NALF1: variants seen among roughly 807,000 people sequenced by gnomAD.
NALF1 encodes the protein family with sequence similarity 155 member A.
A neutral mutation model predicts 48.4 loss-of-function variants in NALF1; 3 were observed. The ratio of observed to expected loss-of-function variants is 0.06; its 90% CI spans 0.03 to 0.16. The LOEUF is 0.16. Among genes scored for constraint, NALF1 ranks in the 10% least tolerant of loss-of-function variants. The probability of loss-of-function intolerance (pLI) is 1.00; values close to 1 mark genes in which losing one functional copy is unlikely to be tolerated. For synonymous variants in NALF1, 262 were observed against 245.7 expected (o/e 1.07, Z -0.62); for missense variants, 526 against 571.5 (o/e 0.92, Z 0.81).
At chr13:107,782,556 C>T (rs1877925387) in intron 1 of NALF1, among the ~76,000 whole-genome samples, 1 of 151,740 alleles carries the variant, frequency 6.6e-6, no homozygotes, top group South Asian at 2.1e-4. Context: ...GCTGCCCAGT[C>T]TGGAAAGTGA....
intron 1 of NALF1, among the ~76,000 whole-genome samples, chr13:107,452,698 C>G (rs1211081010): frequency 1.3e-5 from 2 of 152,204 alleles, no homozygotes; most frequent in East Asian, 3.9e-4. Flanking sequence ...GCCTTCCCAA[C>G]TGTCCCCCAA....
chr13:107,346,888 C>T (rs1882782669), intron 1 of NALF1, among the ~76,000 whole-genome samples: 1 of 152,150 alleles, frequency 6.6e-6, no homozygotes, highest in African/African-American at 2.4e-5. Context: ...TAATCTAAGA[C>T]AACTGCATAT....
rs768403015 is a variant in NALF1 at position 107,227,288 on chromosome 13, C to T, written c.916-16533G>A. 3.3e-5 allele frequency among the ~76,000 whole-genome samples: 5 copies of T among 152,184 alleles called. No individual in the cohort carries two copies. In the South Asian group the frequency reaches 8.3e-4, roughly 25 times the overall value. On this transcript the variant is annotated intron_variant, in intron 1 of 2. Transcript: ENST00000375915. The stretch of plus-strand genomic sequence containing the variant: ...TGAGATTCTTCCTTAGAATAACCCT[C>T]GATACTTCCAGAGAGCCCTCTGTGT...
At chr13:107,820,521 C>A (rs978169611) in intron 1 of NALF1, among the ~76,000 whole-genome samples, 1 of 152,196 alleles carries the variant, frequency 6.6e-6, no homozygotes, top group African/African-American at 2.4e-5. Context: ...TGTCAAGGTA[C>A]TGACATGCAA....
intron 1 of NALF1, among the ~76,000 whole-genome samples, chr13:107,722,918 T>C (rs143461933): frequency 0.02 from 3,093 of 152,314 alleles, 142 homozygotes; most frequent in Admixed American, 0.11. Flanking sequence ...CTGAGCACAA[T>C]GCTGGTGCAG....
At chr13:107,762,544 C>T (rs561281250) in intron 1 of NALF1, among the ~76,000 whole-genome samples, 1 of 151,958 alleles carries the variant, frequency 6.6e-6, no homozygotes, top group Non-Finnish European at 1.5e-5. Flanking sequence ...ATGATGGGAA[C>T]TAGAAAGACA....
chr13:107,782,359 A>G (rs1259574486), intron 1 of NALF1, among the ~76,000 whole-genome samples: 4 of 152,060 alleles, frequency 2.6e-5, no homozygotes, highest in Non-Finnish European at 4.4e-5. Context: ...TCAGTGCTCA[A>G]TGGTGCCCAG....
At chr13:107,411,696 G>T (rs997016281) in intron 1 of NALF1, among the ~76,000 whole-genome samples, 1 of 152,044 alleles carries the variant, frequency 6.6e-6, no homozygotes, top group African/African-American at 2.4e-5. Flanking sequence ...CAGGACATTC[G>T]AAAGAAAGAA....
intron 1 of NALF1, among the ~76,000 whole-genome samples, chr13:107,658,855 CAA>C (rs1880653129): frequency 6.6e-6 from 1 of 151,982 alleles, no homozygotes; most frequent in African/African-American, 2.4e-5. Context: ...ATTTCTATAA[CAA>C]AAGTTGATTA....
At chr13:107,250,772 G>A (rs1273463364) in intron 1 of NALF1, among the ~76,000 whole-genome samples, 1 of 152,124 alleles carries the variant, frequency 6.6e-6, no homozygotes, top group Non-Finnish European at 1.5e-5. Context: ...TGTTGGAGGA[G>A]GGGCCTAGTG....
At chr13:107,544,781 G>A (rs1877091238) in intron 1 of NALF1, among the ~76,000 whole-genome samples, 1 of 152,062 alleles carries the variant, frequency 6.6e-6, no homozygotes, top group Non-Finnish European at 1.5e-5. Flanking sequence ...AAAAAAAGTG[G>A]GGAGCATTCA....
intron 1 of NALF1, among the ~76,000 whole-genome samples, chr13:107,635,045 A>C (rs1289731309): frequency 1.3e-5 from 2 of 152,138 alleles, no homozygotes; most frequent in Non-Finnish European, 2.9e-5. Context: ...TAGTACACAC[A>C]AGCAATAATT....
chr13:107,192,186 T>C (rs1879296918), intron 2 of NALF1, among the ~76,000 whole-genome samples: 4 of 152,332 alleles, frequency 2.6e-5, no homozygotes, highest in African/African-American at 9.6e-5. Flanking sequence ...TGAAACATTT[T>C]ACTTATAAAA....
intron 1 of NALF1, among the ~76,000 whole-genome samples, chr13:107,595,859 A>G (rs1398866668): frequency 6.6e-6 from 1 of 151,886 alleles, no homozygotes; most frequent in Non-Finnish European, 1.5e-5. Flanking sequence ...CTCTAACACC[A>G]TTTTCTGAAA....
intron 1 of NALF1, among the ~76,000 whole-genome samples, chr13:107,555,527 T>C (rs1446249539): frequency 7.1e-6 from 1 of 141,032 alleles, no homozygotes; most frequent in African/African-American, 2.6e-5. Flanking sequence ...ACTCCTGACC[T>C]CAGGTGATCT....
rs1339551229 is a variant in NALF1 at position 107,579,444 on chromosome 13, G to A, written c.915+286238C>T. On this transcript the variant is annotated intron_variant, in intron 1 of 2. Coordinates refer to ENST00000375915, the MANE Select transcript of NALF1 (RefSeq NM_001080396.3). ...ATTCAGGTCTTCCTGAGGGCACTGT[G>A]CCCCCTCCTTATGTGGTCACTGGAG... Among the ~76,000 whole-genome samples the A allele has an allele frequency of 2.0e-5, 3 of 152,246 alleles. No individual in the cohort carries two copies. In the East Asian group the frequency reaches 5.8e-4, roughly 30 times the overall value.
At chr13:107,263,291 C>CAT (rs1880973252) in intron 1 of NALF1, among the ~76,000 whole-genome samples, 1 of 147,160 alleles carries the variant, frequency 6.8e-6, no homozygotes, top group South Asian at 2.2e-4. Context: ...CACACACACA[C>CAT]ATCTCAGTGG....
chr13:107,460,095 T>C (rs1478309874), intron 1 of NALF1, among the ~76,000 whole-genome samples: 1 of 152,248 alleles, frequency 6.6e-6, no homozygotes, highest in Non-Finnish European at 1.5e-5. Flanking sequence ...AAGTCTTGTA[T>C]TTTGGAACCA....
chr13:107,611,573 G>A (rs1879224834), intron 1 of NALF1, among the ~76,000 whole-genome samples: 1 of 151,972 alleles, frequency 6.6e-6, no homozygotes, highest in South Asian at 2.1e-4. Flanking sequence ...AAGTAAAATA[G>A]GCCAGTCACT....
Sources: gnomAD v4.1 joint callset for allele counts (sites outside exome capture counted in the v4.1 genomes callset) on GRCh38, gnomAD v4.1.1 for gene constraint, MANE v1.5 for transcripts, NCBI Gene and HGNC (gene_info 2026-07-23, HGNC 2026-07-21) for gene names.